KCNH8: variants seen among roughly 807,000 people sequenced by gnomAD.
KCNH8 encodes the protein potassium voltage-gated channel subfamily H member 8.
In KCNH8, 70 loss-of-function variants were observed where a neutral mutation model predicts 103.6. The ratio of observed to expected loss-of-function variants is 0.68; its 90% CI spans 0.56 to 0.82. The LOEUF (loss-of-function observed/expected upper bound fraction) is 0.82. KCNH8 is among the 40% of genes least tolerant of loss of function. The pLI is 0.00. For missense variants in KCNH8, 1,217 were observed against 1,329.9 expected, an observed-to-expected ratio of 0.92 and a Z score of 1.32; for synonymous variants, 498 against 489.4, an observed-to-expected ratio of 1.02 and a Z score of -0.23.
At chr3:19,174,526 C>T (rs1162252751) in intron 1 of KCNH8, among the ~76,000 whole-genome samples, 1 of 152,142 alleles carries the variant, frequency 6.6e-6, no homozygotes, top group African/African-American at 2.4e-5. Context: ...ATTTGGACCT[C>T]ATTCAAGTTA....
intron 3 of KCNH8, among the ~76,000 whole-genome samples, chr3:19,300,988 T>C (rs2065057817): frequency 6.6e-6 from 1 of 151,886 alleles, no homozygotes; most frequent in Admixed American, 6.6e-5. Flanking sequence ...CTAACATGTA[T>C]TGAGTGCTTA....
chr3:19,194,655 G>T (rs1334823994), intron 1 of KCNH8, among the ~76,000 whole-genome samples: 1 of 151,730 alleles, frequency 6.6e-6, no homozygotes, highest in Admixed American at 6.6e-5. Flanking sequence ...GGGGGTAGGG[G>T]TTGAAAACTA....
Position 19,211,261 on chromosome 3 carries a change from C to T in KCNH8, c.77-42393C>T, listed in dbSNP as rs527238043. ...GAGTATGACAGTCAAAGAACAGATG[C>T]CATGTAGAAGTGCATGATTTATTTC... On this transcript the variant is annotated intron_variant, in intron 1 of 15. Coordinates refer to ENST00000328405, the MANE Select transcript of KCNH8 (RefSeq NM_144633.3). 5.3e-5 allele frequency among the ~76,000 whole-genome samples: 8 copies of T among 152,188 alleles called. No homozygotes were observed. The South Asian group carries it at 1.7e-3, about 32-fold the overall frequency.
chr3:19,504,978 T>TAC lies in KCNH8; in HGVS notation c.2041-5384_2041-5383insCA, dbSNP rs1220412421. On this transcript the variant is annotated intron_variant, in intron 11 of 15. Transcript: ENST00000328405. ...AAAGAAAATGTGAGATATATATATA[T>TAC]ATATACACATATATATATCTCTCTC... Among the ~76,000 whole-genome samples the TAC allele has an allele frequency of 3.0e-4, 45 of 151,210 alleles. No homozygotes were observed. In the South Asian group the frequency reaches 9.4e-3, roughly 31 times the overall value.
At chr3:19,496,908 G>A (rs954066738) in intron 11 of KCNH8, among the ~76,000 whole-genome samples, 1 of 151,838 alleles carries the variant, frequency 6.6e-6, no homozygotes, top group African/African-American at 2.4e-5. Flanking sequence ...ATTTCCTCCT[G>A]GTTCAGTTTT....
chr3:19,404,614 A>T (rs1445524221), intron 7 of KCNH8, among the ~76,000 whole-genome samples: 4 of 151,940 alleles, frequency 2.6e-5, no homozygotes, highest in African/African-American at 9.7e-5. Flanking sequence ...AAATGAGTTC[A>T]GTGTTGAAGA....
At chr3:19,376,678 G>A (rs142855855) in intron 5 of KCNH8, among the ~76,000 whole-genome samples, 81 of 152,280 alleles carry the variant, frequency 5.3e-4, no homozygotes, top group African/African-American at 1.8e-3. Context: ...GATTATTATT[G>A]TGGTTTCCAT....
chr3:19,239,672 AT>A (rs1316647315), intron 1 of KCNH8, among the ~76,000 whole-genome samples: 38 of 152,012 alleles, frequency 2.5e-4, no homozygotes, highest in Non-Finnish European at 3.7e-4. Context: ...CTATCTATCT[AT>A]CTATCTATCT....
chr3:19,403,807 GTTAA>G (rs2066652244), intron 7 of KCNH8, among the ~76,000 whole-genome samples: 1 of 151,750 alleles, frequency 6.6e-6, no homozygotes, highest in Non-Finnish European at 1.5e-5. Context: ...TGTGACTGAG[GTTAA>G]TTGTCATTCT....
rs1262828066 is a variant in KCNH8 at position 19,510,700 on chromosome 3, CA to C, written c.2079+300del. On this transcript the variant is annotated intron_variant, in intron 12 of 15. Transcript: ENST00000328405. ...GTACTTTCATTGCATTTAAAATTGGCAGTCAAATTTTTTCTTGTAAGTGTCC... is the reference window on the plus strand; with the variant it reads ...GTACTTTCATTGCATTTAAAATTGGCGTCAAATTTTTTCTTGTAAGTGTCC... 2.6e-5 allele frequency among the ~76,000 whole-genome samples: 4 copies of C among 152,124 alleles called. No homozygotes were observed. The South Asian group carries it at 8.3e-4, about 32-fold the overall frequency.
intron 11 of KCNH8, among the ~76,000 whole-genome samples, chr3:19,501,490 C>T (rs1406112397): frequency 1.3e-5 from 2 of 152,274 alleles, no homozygotes; most frequent in Middle Eastern, 3.4e-3. Context: ...GAATTTTAGA[C>T]CAATATCCCT....
At chr3:19,211,694 G>A (rs2063773088) in intron 1 of KCNH8, among the ~76,000 whole-genome samples, 1 of 151,988 alleles carries the variant, frequency 6.6e-6, no homozygotes, top group Admixed American at 6.6e-5. Flanking sequence ...CAGGCCTCAG[G>A]CTCCAAGACT....
chr3:19,284,955 T>G (rs1341159423), intron 3 of KCNH8, among the ~76,000 whole-genome samples: 2 of 151,282 alleles, frequency 1.3e-5, no homozygotes, highest in African/African-American at 4.9e-5. Flanking sequence ...GTCTACTTAG[T>G]ACAAGAAGCC....
intron 11 of KCNH8, among the ~76,000 whole-genome samples, chr3:19,480,260 G>A (rs1013575561): frequency 3.3e-5 from 5 of 152,186 alleles, no homozygotes; most frequent in Non-Finnish European, 7.3e-5. Flanking sequence ...TGGTGGTTCA[G>A]CCTCTTGAAA....
chr3:19,511,378 A>G (rs1439776781), intron 12 of KCNH8, among the ~76,000 whole-genome samples: 3 of 152,218 alleles, frequency 2.0e-5, no homozygotes, highest in Non-Finnish European at 4.4e-5. Flanking sequence ...GTAGAAGTAC[A>G]AATACTTGAC....
intron 1 of KCNH8, among the ~76,000 whole-genome samples, chr3:19,229,857 C>T (rs911661777): frequency 6.6e-6 from 1 of 152,160 alleles, no homozygotes; most frequent in Non-Finnish European, 1.5e-5. Flanking sequence ...AAAGTTGCCT[C>T]CATGTTTTCA....
At chr3:19,161,386 C>T (rs2063232888) in intron 1 of KCNH8, among the ~76,000 whole-genome samples, 1 of 152,066 alleles carries the variant, frequency 6.6e-6, no homozygotes, top group South Asian at 2.1e-4. Flanking sequence ...TCGAGGGAAG[C>T]AGTAGTTTGT....
chr3:19,224,239 T>A (rs1266200598), intron 1 of KCNH8, among the ~76,000 whole-genome samples: 1 of 152,184 alleles, frequency 6.6e-6, no homozygotes, highest in African/African-American at 2.4e-5. Context: ...CTGACATTTT[T>A]AAATAATGAG....
At chr3:19,183,006 G>A (rs997384) in intron 1 of KCNH8, among the ~76,000 whole-genome samples, 126,596 of 152,198 alleles carry the variant, frequency 0.83, 53,052 homozygotes, top group African/African-American at 0.92. Context: ...TCTTCATTAT[G>A]AAACATCATA....
Sources: allele counts gnomAD v4.1 joint callset (sites outside exome capture counted in the v4.1 genomes callset), GRCh38; gene constraint gnomAD v4.1.1; transcripts MANE v1.5; gene names NCBI Gene and HGNC (gene_info 2026-07-23, HGNC 2026-07-21).